The following LPP variants were observed in gnomAD, a reference collection of about 807,000 sequenced individuals.
LPP encodes lipoma-preferred partner.
Under a neutral mutation model 60.4 loss-of-function variants are expected in LPP, and 38 were observed. The ratio of observed to expected loss-of-function variants is 0.63; its 90% CI spans 0.49 to 0.83. LPP has a LOEUF of 0.83. LPP is among the 40% of genes least tolerant of loss of function. The probability of loss-of-function intolerance (pLI) is 0.00; values close to 1 mark genes in which losing one functional copy is unlikely to be tolerated. For missense variants in LPP, 902 were observed against 783.6 expected, an observed-to-expected ratio of 1.15 and a Z score of -1.80; for synonymous variants, 328 against 290.8, an observed-to-expected ratio of 1.13 and a Z score of -1.30.
At chr3:188,785,429 ATATTC>A (rs1741287133) in intron 9 of LPP, among the ~76,000 whole-genome samples, 1 of 19,838 alleles carries the variant, frequency 5.0e-5, no homozygotes, top group African/African-American at 3.1e-4. Context: ...CATCATATAT[ATATTC>A]CATCATATAT....
intron 3 of LPP, among the ~76,000 whole-genome samples, chr3:188,363,793 T>G (rs984172793): frequency 6.7e-5 from 10 of 149,448 alleles, no homozygotes; most frequent in Admixed American, 1.4e-4. Flanking sequence ...TAATCCCAAC[T>G]ACTAGGGAGG....
chr3:188,564,662 T>A (rs1831667410), intron 6 of LPP, among the ~76,000 whole-genome samples: 1 of 151,884 alleles, frequency 6.6e-6, no homozygotes, highest in Non-Finnish European at 1.5e-5. Flanking sequence ...GAATTTATGG[T>A]AATATACAGG....
At chr3:188,222,755 C>T (rs1716266907) in intron 1 of LPP, among the ~76,000 whole-genome samples, 2 of 152,098 alleles carry the variant, frequency 1.3e-5, no homozygotes, top group Non-Finnish European at 2.9e-5. Flanking sequence ...AGTGTCTTGA[C>T]TTTTCCTGCC....
intron 4 of LPP, among the ~76,000 whole-genome samples, chr3:188,407,057 C>G (rs1783660605): frequency 7.0e-6 from 1 of 142,504 alleles, no homozygotes. Context: ...CTTATTCAAA[C>G]TCAAGAAAAA....
intron 4 of LPP, among the ~76,000 whole-genome samples, chr3:188,406,694 G>A (rs1048667326): frequency 5.9e-5 from 9 of 152,300 alleles, no homozygotes; most frequent in African/African-American, 2.2e-4. Context: ...CACAAATGCT[G>A]CCAAGCAGTA....
At chr3:188,607,390 T>G (rs917088290) in intron 6 of LPP, among the ~76,000 whole-genome samples, 2 of 28,384 alleles carry the variant, frequency 7.0e-5, no homozygotes, top group African/African-American at 1.8e-4. Context: ...TATATATATA[T>G]ATATATATAT....
At chr3:188,427,320 C>G (rs1397179782) in intron 4 of LPP, among the ~76,000 whole-genome samples, 2 of 152,312 alleles carry the variant, frequency 1.3e-5, no homozygotes, top group Admixed American at 1.3e-4. Context: ...GCAGAGAGAT[C>G]TGCTGTTAGT....
At chr3:188,527,905 G>A (rs1579662679) in intron 6 of LPP, among the ~76,000 whole-genome samples, 1 of 152,082 alleles carries the variant, frequency 6.6e-6, no homozygotes, top group East Asian at 1.9e-4. Context: ...AGTGTTTCTG[G>A]CTGCAGTAAA....
chr3:188,208,223 T>G (rs1378984505), intron 1 of LPP: 1 of 152,146 alleles, frequency 6.6e-6, no homozygotes, highest in African/African-American at 2.4e-5. Context: ...TCCTGACAAG[T>G]GGCATGTTGG....
At chr3:188,510,936 T>C (rs1346540301) in intron 5 of LPP, among the ~76,000 whole-genome samples, 2 of 152,168 alleles carry the variant, frequency 1.3e-5, no homozygotes. Context: ...CTTACCTACA[T>C]GTAGTCTGCC....
chr3:188,829,757 C>T (rs1043130137), intron 9 of LPP, among the ~76,000 whole-genome samples: 4 of 152,148 alleles, frequency 2.6e-5, no homozygotes, highest in Admixed American at 2.6e-4. Context: ...TGAGTCCTCA[C>T]CCCAGCTTGG....
chr3:188,672,250 G>A (rs1857097548), intron 7 of LPP, among the ~76,000 whole-genome samples: 1 of 151,854 alleles, frequency 6.6e-6, no homozygotes, highest in African/African-American at 2.4e-5. Context: ...GCTATTTATG[G>A]TGAGCTTTTT....
chr3:188,865,673 C>A (rs1254929297), intron 9 of LPP, among the ~76,000 whole-genome samples: 1 of 129,644 alleles, frequency 7.7e-6, no homozygotes, highest in South Asian at 2.8e-4. Context: ...TCAAATCCAG[C>A]CCATTGTCTG....
At chr3:188,775,044 A>G (rs947557053) in intron 9 of LPP, among the ~76,000 whole-genome samples, 13 of 149,416 alleles carry the variant, frequency 8.7e-5, no homozygotes, top group African/African-American at 3.2e-4. Context: ...TATAGAAACT[A>G]CATGCTTAGT....
intron 8 of LPP, among the ~76,000 whole-genome samples, chr3:188,738,278 T>C (rs1723209888): frequency 6.6e-6 from 1 of 152,154 alleles, no homozygotes; most frequent in African/African-American, 2.4e-5. Flanking sequence ...CACAGTATTA[T>C]TTATGGTGGA....
chr3:188,592,557 G>GTTTTTTTT (rs1553936333), intron 6 of LPP, among the ~76,000 whole-genome samples: 2 of 85,752 alleles, frequency 2.3e-5, no homozygotes, highest in Admixed American at 1.3e-4. Flanking sequence ...TTTTGTTTTT[G>GTTTTTTTT]TTTTTTAAAT....
At chr3:188,859,126 T>G (rs1374404164) in intron 9 of LPP, among the ~76,000 whole-genome samples, 1 of 149,922 alleles carries the variant, frequency 6.7e-6, no homozygotes, top group Non-Finnish European at 1.5e-5. Context: ...GATGTTCATG[T>G]CTGGCAATAT....
At chr3:188,158,724 T>G (rs537821506) in intron 1 of LPP, among the ~76,000 whole-genome samples, 10 of 152,342 alleles carry the variant, frequency 6.6e-5, no homozygotes, top group Admixed American at 5.2e-4. Context: ...GAAAATGAAT[T>G]TGGTGAAATA....
chr3:188,675,641 C>T (rs535905030), intron 7 of LPP, among the ~76,000 whole-genome samples: 4 of 152,256 alleles, frequency 2.6e-5, no homozygotes, highest in Non-Finnish European at 5.9e-5. Flanking sequence ...GTCATGTAAC[C>T]GTTCAGGCCC....
Sources: gnomAD v4.1 joint callset for allele counts (sites outside exome capture counted in the v4.1 genomes callset) on GRCh38, gnomAD v4.1.1 for gene constraint, MANE v1.5 for transcripts, NCBI Gene and HGNC (gene_info 2026-07-23, HGNC 2026-07-21) for gene names.